DRG1: variants seen among roughly 807,000 people sequenced by gnomAD.
The protein encoded by DRG1 is developmentally regulated GTP binding protein 1, also known as developmentally-regulated GTP-binding protein 1.
DRG1 carries 19 observed loss-of-function variants against 38.8 expected under a neutral mutation model. That is an observed-to-expected ratio of 0.49 (90% CI 0.34 to 0.72). DRG1 has a LOEUF of 0.72. DRG1 is among the 30% of genes least tolerant of loss of function. The probability of loss-of-function intolerance (pLI) is 0.01; values close to 1 mark genes in which losing one functional copy is unlikely to be tolerated. For synonymous variants in DRG1, 167 were observed against 157.5 expected (o/e 1.06, Z -0.45); for missense variants, 299 against 444.8 (o/e 0.67, Z 2.95).
intron 4 of DRG1, among the ~76,000 whole-genome samples, chr22:31,415,089 C>A (rs1027084369): frequency 2.6e-5 from 4 of 152,078 alleles, no homozygotes; most frequent in African/African-American, 9.7e-5. Context: ...TTGATTTTTA[C>A]TTTTTTAGGG....
Position 31,414,987 on chromosome 22 carries a change from G to T in DRG1, c.412+3906G>T, listed in dbSNP as rs1284720752. On this transcript the variant is annotated intron_variant, in intron 4 of 8. Transcript: ENST00000331457. ...GAGACAGTCTCACTATGTTGTTCAG[G>T]GTGGTCTCGAAAACCCCGGGCTCGA... is the stretch of plus-strand genomic sequence containing the variant. Among the ~76,000 whole-genome samples, 11 of 151,980 alleles carry T rather than the reference G, an allele frequency of 7.2e-5. No individual in the cohort carries two copies. The South Asian group carries it at 2.1e-3, about 29-fold the overall frequency.
intron 8 of DRG1, among the ~76,000 whole-genome samples, chr22:31,430,128 A>G: frequency 6.6e-6 from 1 of 152,174 alleles, no homozygotes; most frequent in East Asian, 1.9e-4. Flanking sequence ...CTAGCCCTGA[A>G]AATTAGTCAC....
chr22:31,399,804 G>C, intron 1 of DRG1, 79 bp downstream of exon 1: 1 of 1,606,972 alleles, frequency 6.2e-7, no homozygotes, highest in Non-Finnish European at 8.5e-7. Context: ...GTTCTCCTTT[G>C]AGCCGCGTCA....
intron 3 of DRG1, among the ~76,000 whole-genome samples, chr22:31,408,032 A>G (rs995843612): frequency 6.7e-6 from 1 of 149,048 alleles, no homozygotes; most frequent in African/African-American, 2.5e-5. Context: ...AGGCTGAGGC[A>G]GGAGAATTAC....
At chr22:31,403,225 A>G (rs761536495) in intron 3 of DRG1, 21 bp downstream of exon 3, 30 of 1,579,726 alleles carry the variant, frequency 1.9e-5, no homozygotes, top group Non-Finnish European at 2.5e-5. Context: ...CCTGCAGACT[A>G]AGGAAGGAAA....
intron 4 of DRG1, among the ~76,000 whole-genome samples, chr22:31,416,640 A>G (rs906062445): frequency 1.3e-5 from 2 of 152,132 alleles, no homozygotes; most frequent in Non-Finnish European, 1.5e-5. Context: ...CTGTAATTCC[A>G]TAGTCTGTAA....
At chr22:31,415,971 C>T (rs1260153745) in intron 4 of DRG1, among the ~76,000 whole-genome samples, 1 of 152,088 alleles carries the variant, frequency 6.6e-6, no homozygotes, top group Non-Finnish European at 1.5e-5. Context: ...CTTCTTGCTG[C>T]TATCCTACTG....
chr22:31,414,981 GT>G (rs1311259567), intron 4 of DRG1, among the ~76,000 whole-genome samples: 1 of 152,020 alleles, frequency 6.6e-6, no homozygotes, highest in South Asian at 2.1e-4. Flanking sequence ...TCACTATGTT[GT>G]TCAGGGTGGT....
chr22:31,401,041 T>G (rs890640441), intron 2 of DRG1, among the ~76,000 whole-genome samples: 1 of 152,202 alleles, frequency 6.6e-6, no homozygotes, highest in Non-Finnish European at 1.5e-5. Flanking sequence ...GAACTGTGTT[T>G]ATTTTTATTC....
At chr22:31,432,413 T>C (rs1009119910) in intron 8 of DRG1, among the ~76,000 whole-genome samples, 1 of 151,096 alleles carries the variant, frequency 6.6e-6, no homozygotes, top group Non-Finnish European at 1.5e-5. Flanking sequence ...GCTTTGTGTT[T>C]TTTGTGTGTG....
At chr22:31,407,738 C>A (rs374471444) in intron 3 of DRG1, among the ~76,000 whole-genome samples, 11 of 149,052 alleles carry the variant, frequency 7.4e-5, no homozygotes, top group African/African-American at 2.7e-4. Flanking sequence ...CTGTCTCGCA[C>A]CTGCTAAATC....
chr22:31,404,782 C>T (rs1009971944), intron 3 of DRG1, among the ~76,000 whole-genome samples: 2 of 151,834 alleles, frequency 1.3e-5, no homozygotes, highest in Admixed American at 6.6e-5. Flanking sequence ...CCACCACACC[C>T]AGCTAATTTT....
chr22:31,426,686 A>C lies in DRG1; in HGVS notation c.785A>C (p.Tyr262Ser). ...TCCATTGAGGAATTGGATATCATCT[A>C]TAAGGTGCCTCACTGTGTACCCATC... ...QISIEELDII[Y>S]KVPHCVPISA... Residue 262 changes from tyrosine to serine, a missense_variant, in exon 7 of 9, where the codon TAT becomes TCT. Coordinates refer to ENST00000331457, the MANE Select transcript of DRG1 (RefSeq NM_004147.4). 1 of 1,614,162 alleles carries C rather than the reference A, an allele frequency of 6.2e-7. No individual in the cohort carries two copies. Among genetic ancestry groups the C allele is most frequent in the Non-Finnish European group, 8.5e-7 (1 of 1,179,996 alleles).
At chr22:31,425,232 C>T (rs1001617962) in intron 6 of DRG1, among the ~76,000 whole-genome samples, 3 of 152,042 alleles carry the variant, frequency 2.0e-5, no homozygotes, top group Non-Finnish European at 2.9e-5. Flanking sequence ...TGAAATTCTC[C>T]GTTTCAGTTA....
chr22:31,431,163 T>C (rs990166986), intron 8 of DRG1, among the ~76,000 whole-genome samples: 5 of 150,744 alleles, frequency 3.3e-5, no homozygotes, highest in Non-Finnish European at 4.4e-5. Context: ...GCCTCCCGAG[T>C]AGCTGGAACT....
Position 31,400,727 on chromosome 22 carries a change from T to A in DRG1, c.150T>A (p.Gly50=). The change falls in exon 2 of 9, where the codon GGT becomes GGA. Residue 50 remains glycine, a synonymous_variant. Transcript: ENST00000331457. ...RELITPKGGG[G]GGPGEGFDVA... ...TCATTACTCCAAAGGGTGGTGGTGG[T>A]GGAGGTCCAGGAGAAGGTTTGTGTT... 6.2e-7 allele frequency: 1 copy of A among 1,612,346 alleles called. No individual in the cohort carries two copies. The highest frequency in any genetic ancestry group is 8.5e-7 in the Non-Finnish European group (1 of 1,178,946).
In DRG1 at chr22:31,412,734, G is replaced by T. The variant is rs116532719; in HGVS notation, c.412+1653G>T. Among the ~76,000 whole-genome samples, 831 of 151,090 alleles carry T rather than the reference G, an allele frequency of 5.5e-3. 5 individuals carry two copies. Among genetic ancestry groups the T allele is most frequent in the African/African-American group, 0.019 (774 of 41,162 alleles). The stretch of plus-strand genomic sequence containing the variant: ...TTTTTTGAAACACTCCCATCACCTA[G>T]CCTGGAGTGCAGTGGTGGGATCTCG... On this transcript the variant is annotated intron_variant, in intron 4 of 8. Coordinates refer to ENST00000331457, the MANE Select transcript of DRG1 (RefSeq NM_004147.4).
intron 3 of DRG1, among the ~76,000 whole-genome samples, chr22:31,407,596 G>C (rs1474266285): frequency 6.6e-6 from 1 of 151,960 alleles, no homozygotes. Flanking sequence ...TCAGCCTCCT[G>C]AGGTGCTGGG....
At chr22:31,424,156 C>CT (rs955113917) in intron 6 of DRG1, among the ~76,000 whole-genome samples, 74 of 141,900 alleles carry the variant, frequency 5.2e-4, no homozygotes, top group East Asian at 1.0e-3. Flanking sequence ...TGAGCCCGGC[C>CT]TTTTTTTTTT....
Sources: gnomAD v4.1 joint callset for allele counts (sites outside exome capture counted in the v4.1 genomes callset) on GRCh38, gnomAD v4.1.1 for gene constraint, MANE v1.5 for transcripts, NCBI Gene and HGNC (gene_info 2026-07-23, HGNC 2026-07-21) for gene names.